Variants in FBXW10 observed in about 807,000 individuals in gnomAD.
FBXW10 encodes the protein F-box/WD repeat-containing protein 10.
Under a neutral mutation model 113.1 loss-of-function variants are expected in FBXW10, and 68 were observed. That is an observed-to-expected ratio of 0.60 (90% confidence interval 0.49 to 0.74). FBXW10 has a LOEUF of 0.74. Among genes scored for constraint, FBXW10 ranks in the 30% least tolerant of loss-of-function variants. The probability of loss-of-function intolerance (pLI) is 0.00; values close to 1 mark genes in which losing one functional copy is unlikely to be tolerated. For synonymous variants in FBXW10, 289 were observed against 481.6 expected, an observed-to-expected ratio of 0.60 and a Z score of 5.24; for missense variants, 753 against 1,284.5, an observed-to-expected ratio of 0.59 and a Z score of 6.32.
chr17:18,765,012 C>A lies in FBXW10; in HGVS notation c.1555+149C>A. 2.6e-6 allele frequency: 4 copies of A among 1,547,912 alleles called. No homozygotes were observed. In the South Asian group the frequency reaches 4.8e-5, roughly 18 times the overall value. On this transcript the variant is annotated intron_variant, in intron 8 of 13. Transcript: ENST00000395665. Reference sequence around the variant, plus strand: ...CCACCCACCCACCCATCCTTCCTTCCTTCCATCTATCAATCAATCCATCCA... The same window carrying A: ...CCACCCACCCACCCATCCTTCCTTCATTCCATCTATCAATCAATCCATCCA...
chr17:18,777,970 G>T (rs868733211), intron 13 of FBXW10, among the ~76,000 whole-genome samples: 3 of 151,760 alleles, frequency 2.0e-5, no homozygotes, highest in Admixed American at 2.0e-4. Flanking sequence ...TGTTTTATTG[G>T]CCGGCTGCGG....
At chr17:18,761,185 A>G (rs557613559) in intron 7 of FBXW10, among the ~76,000 whole-genome samples, 67 of 152,112 alleles carry the variant, frequency 4.4e-4, no homozygotes, top group African/African-American at 1.5e-3. Context: ...CCCCTCCTTG[A>G]AAACTGTTTG....
intron 4 of FBXW10, among the ~76,000 whole-genome samples, chr17:18,750,513 C>G (rs541321686): frequency 6.6e-6 from 1 of 151,466 alleles, no homozygotes; most frequent in East Asian, 1.9e-4. Flanking sequence ...TATAAGGCTG[C>G]AAAGTTTTTT....
At chr17:18,776,040 C>T (rs557657364) in intron 13 of FBXW10, among the ~76,000 whole-genome samples, 217 of 148,300 alleles carry the variant, frequency 1.5e-3, no homozygotes, top group African/African-American at 5.2e-3. Flanking sequence ...AAAAAGTGGC[C>T]GGGCGCGGTG....
At chr17:18,775,230 T>C in intron 13 of FBXW10, 38 bp downstream of exon 13, 1 of 1,396,092 alleles carries the variant, frequency 7.2e-7, no homozygotes, top group African/African-American at 1.4e-5. Context: ...AGGGAACAAG[T>C]GGCACGGATG....
chr17:18,767,197 G>A (rs2035513920), intron 9 of FBXW10, among the ~76,000 whole-genome samples: 1 of 152,046 alleles, frequency 6.6e-6, no homozygotes, highest in Admixed American at 6.6e-5. Context: ...GTAGGGCCAG[G>A]CGCAGTGGCT....
rs2035260253 is a variant in FBXW10 at position 18,756,161 on chromosome 17, A to G, written c.1232+7A>G. On this transcript the variant is annotated splice_region_variant and intron_variant, in intron 6 of 13. Coordinates refer to ENST00000395665, the MANE Select transcript of FBXW10 (RefSeq NM_001267585.2). ...TTCGCATTCTCTCTGACACGTAGGT[A>G]CTGGGGTCAGAATCTGGGTCTCTAG... is the stretch of plus-strand genomic sequence containing the variant. 6.2e-7 allele frequency: 1 copy of G among 1,610,010 alleles called. No homozygotes were observed. Among genetic ancestry groups the G allele is most frequent in the South Asian group, 1.1e-5 (1 of 90,592 alleles).
At chr17:18,753,503 G>A (rs973742845) in intron 5 of FBXW10, among the ~76,000 whole-genome samples, 4 of 152,078 alleles carry the variant, frequency 2.6e-5, no homozygotes, top group African/African-American at 9.7e-5. Flanking sequence ...TTCCCTCCCA[G>A]ATTTGAAATA....
Position 18,750,856 on chromosome 17 carries a change from C to T in FBXW10, c.1000-75C>T. The T allele has an allele frequency of 2.6e-6, 4 of 1,510,954 alleles. No homozygotes were observed. In the South Asian group the frequency reaches 3.8e-5, roughly 14 times the overall value. 93.6% of individuals were successfully genotyped at this position (1,510,954 alleles called of 1,614,324 possible). Reference sequence around the variant, plus strand: ...TTTGCCAAGAACTAGTTTTTCCCTTCCTCCTGCAGAGTTGGAGCCAAGAGA... The same window carrying T: ...TTTGCCAAGAACTAGTTTTTCCCTTTCTCCTGCAGAGTTGGAGCCAAGAGA... On this transcript the variant is annotated intron_variant, in intron 4 of 13. Transcript: ENST00000395665.
intron 1 of FBXW10, among the ~76,000 whole-genome samples, chr17:18,747,613 G>T (rs1481186428): frequency 6.6e-6 from 1 of 152,126 alleles, no homozygotes; most frequent in Non-Finnish European, 1.5e-5. Context: ...TGACTCGAGG[G>T]TGGTTATTTC....
chr17:18,774,782 C>T (rs146670163), intron 12 of FBXW10, among the ~76,000 whole-genome samples: 7,356 of 152,098 alleles, frequency 0.048, 221 homozygotes, highest in South Asian at 0.11. Context: ...GCAACAAGAG[C>T]GAAACTGCAT....
chr17:18,768,055 T>TTCC (rs1244201725), intron 9 of FBXW10, among the ~76,000 whole-genome samples: 52 of 68,830 alleles, frequency 7.6e-4, no homozygotes, highest in East Asian at 6.5e-3. Flanking sequence ...TCCTTCCTTC[T>TTCC]TTCTTTCTTT....
chr17:18,778,797 T>C lies in FBXW10; in HGVS notation c.2658T>C (p.Leu886=). ...PIDVKRTSIP[L]EIQKLQPNLK... The stretch of plus-strand genomic sequence containing the variant: ...ATGTGAAACGAACCAGTATTCCCCT[T>C]GAAATCCAGAAACTGCAGCCCAACT... Residue 886 remains leucine, a synonymous_variant, in exon 14 of 14, where the codon CTT becomes CTC. Coordinates refer to ENST00000395665, the MANE Select transcript of FBXW10 (RefSeq NM_001267585.2). 1.2e-6 allele frequency: 2 copies of C among 1,613,886 alleles called. No homozygotes were observed. The highest frequency in any genetic ancestry group is 4.5e-5 in the East Asian group (2 of 44,882).
At chr17:18,774,165 C>T (rs750014374) in intron 12 of FBXW10, among the ~76,000 whole-genome samples, 1 of 152,096 alleles carries the variant, frequency 6.6e-6, no homozygotes, top group African/African-American at 2.4e-5. Flanking sequence ...GTGACAATCA[C>T]AAGGGTGTCT....
intron 6 of FBXW10, among the ~76,000 whole-genome samples, chr17:18,756,898 G>C (rs2035275164): frequency 6.6e-6 from 1 of 152,068 alleles, no homozygotes; most frequent in Admixed American, 6.6e-5. Flanking sequence ...GTCGGTATGG[G>C]GAAGACAGAA....
intron 7 of FBXW10, among the ~76,000 whole-genome samples, chr17:18,759,762 G>A (rs193051025): frequency 3.0e-4 from 45 of 151,918 alleles, no homozygotes; most frequent in Middle Eastern, 3.4e-3. Flanking sequence ...ACAGGGGCCC[G>A]CCACCACACC....
In FBXW10 at chr17:18,769,680, G is replaced by C; in HGVS notation, c.1848-247G>C. On this transcript the variant is annotated intron_variant, in intron 10 of 13. Coordinates refer to ENST00000395665, the MANE Select transcript of FBXW10 (RefSeq NM_001267585.2). ...TAATCCCAGCTACTTGGGAGACTGA[G>C]ACAGGAGAATCGCTTGTATCTGGTA... 2.2e-5 allele frequency: 10 copies of C among 457,018 alleles called. No individual in the cohort carries two copies. The South Asian group carries it at 3.2e-4, about 15-fold the overall frequency. The allele number at this position is 457,018 out of a possible 1,614,324, so 28.3% of individuals were successfully genotyped here. A position where few individuals can be genotyped will look rare whatever the true frequency, so the allele number is the denominator to read the frequency against.
At chr17:18,749,678 A>G in intron 2 of FBXW10, 44 bp from the exon 3 acceptor site, 2 of 1,613,596 alleles carry the variant, frequency 1.2e-6, no homozygotes, top group Admixed American at 1.7e-5. Flanking sequence ...TGGAGTTTCT[A>G]CAGAGCCAAC....
intron 5 of FBXW10, among the ~76,000 whole-genome samples, chr17:18,752,041 A>G (rs2035180310): frequency 1.3e-5 from 2 of 152,094 alleles, no homozygotes; most frequent in Non-Finnish European, 2.9e-5. Flanking sequence ...AGGATAGTTG[A>G]TGAGGGATGG....
Sources: gnomAD v4.1 joint callset for allele counts (sites outside exome capture counted in the v4.1 genomes callset) on GRCh38, gnomAD v4.1.1 for gene constraint, MANE v1.5 for transcripts, NCBI Gene and HGNC (gene_info 2026-07-23, HGNC 2026-07-21) for gene names.